RSRC1: variants seen among roughly 807,000 people sequenced by gnomAD.
RSRC1 encodes serine/Arginine-related protein 53.
In RSRC1, 39 loss-of-function variants were observed where a neutral mutation model predicts 49.1. That is an observed-to-expected ratio of 0.79 (90% CI 0.61 to 1.04). RSRC1 has a LOEUF of 1.04. RSRC1 is among the 50% of genes least tolerant of loss of function. The probability of loss-of-function intolerance (pLI) is 0.00; values close to 1 mark genes in which losing one functional copy is unlikely to be tolerated. For missense variants in RSRC1, 388 were observed against 402.4 expected (o/e 0.96, Z 0.31); for synonymous variants, 143 against 130.8 (o/e 1.09, Z -0.63).
chr3:158,285,495 T>C (rs948247476), intron 4 of RSRC1, among the ~76,000 whole-genome samples: 7 of 152,270 alleles, frequency 4.6e-5, no homozygotes, highest in African/African-American at 7.2e-5. Context: ...TATGGCCATT[T>C]TCACGATATT....
At chr3:158,145,538 T>C (rs896015153) in intron 3 of RSRC1, among the ~76,000 whole-genome samples, 1 of 152,214 alleles carries the variant, frequency 6.6e-6, no homozygotes, top group Non-Finnish European at 1.5e-5. Flanking sequence ...ACTGTAACCT[T>C]GTAGTATAGT....
intron 5 of RSRC1, among the ~76,000 whole-genome samples, chr3:158,334,718 A>G (rs1158130205): frequency 6.7e-6 from 1 of 150,274 alleles, no homozygotes; most frequent in Non-Finnish European, 1.5e-5. Flanking sequence ...ACAGGGTTTC[A>G]CCATGTTGTC....
intron 4 of RSRC1, among the ~76,000 whole-genome samples, chr3:158,244,420 C>T (rs1044266592): frequency 1.3e-5 from 2 of 152,118 alleles, no homozygotes; most frequent in African/African-American, 4.8e-5. Flanking sequence ...TGATTAATTT[C>T]ATTTACTGCT....
At chr3:158,542,611 T>A (rs1047400787) in intron 8 of RSRC1, among the ~76,000 whole-genome samples, 1 of 152,190 alleles carries the variant, frequency 6.6e-6, no homozygotes, top group African/African-American at 2.4e-5. Flanking sequence ...ATCTGAAATG[T>A]CTAGAATAGG....
At chr3:158,462,580 A>G (rs1737670559) in intron 7 of RSRC1, among the ~76,000 whole-genome samples, 1 of 151,952 alleles carries the variant, frequency 6.6e-6, no homozygotes, top group Admixed American at 6.6e-5. Flanking sequence ...TTTCAAGGTG[A>G]TTTGTTTTTA....
chr3:158,255,848 CTGTCTGTTATTGG>C lies in RSRC1; in HGVS notation c.495-42174_495-42162del, dbSNP rs1283332865. ...GAATGGGAGTTCACTTGTGATTTGG[CTGTCTGTTATTGG>C]TGTCTGTTATTGGTGTATAGGAATG... On this transcript the variant is annotated intron_variant, in intron 4 of 9. Transcript: ENST00000611884. 2.3e-4 allele frequency among the ~76,000 whole-genome samples: 35 copies of C among 152,190 alleles called. No individual in the cohort carries two copies. The East Asian group carries it at 3.5e-3, about 15-fold the overall frequency.
intron 7 of RSRC1, among the ~76,000 whole-genome samples, chr3:158,517,895 C>G (rs1374781570): frequency 6.7e-6 from 1 of 148,196 alleles, no homozygotes; most frequent in Non-Finnish European, 1.5e-5. Flanking sequence ...GGCCATCACA[C>G]CCAGCTGACT....
intron 6 of RSRC1, among the ~76,000 whole-genome samples, chr3:158,383,208 T>G (rs970712497): frequency 2.0e-5 from 3 of 152,196 alleles, no homozygotes; most frequent in African/African-American, 7.2e-5. Flanking sequence ...TGCTTAATGC[T>G]TTAATGTTCA....
rs1239939680 is a variant in RSRC1, at chr3:158,296,544, T to C, written c.495-1495T>C. Reference sequence around the variant, plus strand: ...TTAAATTTTAAGTTATACAAATAACTATATTTGAATGTTCTTGTGAAAATG... The same window carrying C: ...TTAAATTTTAAGTTATACAAATAACCATATTTGAATGTTCTTGTGAAAATG... On this transcript the variant is annotated intron_variant, in intron 4 of 9. Coordinates refer to ENST00000611884, the MANE Select transcript of RSRC1 (RefSeq NM_001271838.2). 2.6e-5 allele frequency among the ~76,000 whole-genome samples: 4 copies of C among 152,210 alleles called. 1 individual carries two copies. In the East Asian group the frequency reaches 7.7e-4, roughly 29 times the overall value.
chr3:158,332,718 T>TA (rs1729619988), intron 5 of RSRC1, among the ~76,000 whole-genome samples: 2 of 151,986 alleles, frequency 1.3e-5, no homozygotes, highest in African/African-American at 4.8e-5. Flanking sequence ...GGATTAAGGA[T>TA]AAAAAAGAAA....
chr3:158,144,494 A>G (rs986313133), intron 3 of RSRC1, among the ~76,000 whole-genome samples: 3 of 152,168 alleles, frequency 2.0e-5, no homozygotes, highest in African/African-American at 7.2e-5. Flanking sequence ...ATAGTATTCC[A>G]TGGTGTATAT....
intron 4 of RSRC1, among the ~76,000 whole-genome samples, chr3:158,290,108 G>C (rs760544332): frequency 6.6e-6 from 1 of 151,994 alleles, no homozygotes; most frequent in Non-Finnish European, 1.5e-5. Flanking sequence ...TCCATTATTA[G>C]GCTGTTGTAT....
intron 6 of RSRC1, among the ~76,000 whole-genome samples, chr3:158,363,453 C>CG (rs1731588729): frequency 6.6e-6 from 1 of 151,840 alleles, no homozygotes; most frequent in African/African-American, 2.4e-5. Flanking sequence ...TTGGTGGAGA[C>CG]GGGGTTTTAC....
intron 4 of RSRC1, among the ~76,000 whole-genome samples, chr3:158,291,757 C>T (rs552582901): frequency 5.9e-5 from 9 of 152,116 alleles, no homozygotes; most frequent in Non-Finnish European, 1.0e-4. Flanking sequence ...TTCCTCTAGA[C>T]TACTAAAAAA....
intron 7 of RSRC1, among the ~76,000 whole-genome samples, chr3:158,468,047 C>T (rs1214450707): frequency 6.6e-6 from 1 of 152,214 alleles, no homozygotes; most frequent in Admixed American, 6.5e-5. Context: ...CATTCTCCTG[C>T]CTCAGCCTCC....
intron 7 of RSRC1, among the ~76,000 whole-genome samples, chr3:158,477,411 T>C (rs1204668721): frequency 6.6e-6 from 1 of 152,102 alleles, no homozygotes; most frequent in African/African-American, 2.4e-5. Flanking sequence ...ATAGCCACAC[T>C]AGCCTTCAGT....
intron 6 of RSRC1, among the ~76,000 whole-genome samples, chr3:158,449,629 A>ATT (rs34201368): frequency 1.3e-5 from 2 of 151,376 alleles, no homozygotes; most frequent in African/African-American, 4.8e-5. Context: ...ATATATATAT[A>ATT]TTTTTATTAT....
intron 5 of RSRC1, among the ~76,000 whole-genome samples, chr3:158,307,135 T>G (rs1202709982): frequency 6.6e-6 from 1 of 151,510 alleles, no homozygotes; most frequent in East Asian, 1.9e-4. Flanking sequence ...GTAACAGGTT[T>G]GTTTGTTTTT....
intron 5 of RSRC1, among the ~76,000 whole-genome samples, chr3:158,319,309 C>T (rs1025841043): frequency 5.9e-5 from 9 of 152,120 alleles, no homozygotes; most frequent in Admixed American, 3.9e-4. Flanking sequence ...CACTCTCTCC[C>T]CTGCCACCAC....
Sources: allele counts gnomAD v4.1 joint callset (sites outside exome capture counted in the v4.1 genomes callset), GRCh38; gene constraint gnomAD v4.1.1; transcripts MANE v1.5; gene names NCBI Gene and HGNC (gene_info 2026-07-23, HGNC 2026-07-21).